Variants in FARS2 observed in about 807,000 individuals in gnomAD.
FARS2 encodes the protein phenylalanine--tRNA ligase, mitochondrial.
In FARS2, 40 loss-of-function variants were observed where a neutral mutation model predicts 46.4. That is an observed-to-expected ratio of 0.86 (90% CI 0.67 to 1.12). FARS2 has a LOEUF of 1.12. Ranked by LOEUF, FARS2 falls within the 50% of genes most tolerant of loss-of-function variation. The pLI, the probability that FARS2 is intolerant of heterozygous loss-of-function variation, is 0.00. For synonymous variants in FARS2, 234 were observed against 214.9 expected, an observed-to-expected ratio of 1.09 and a Z score of -0.78; for missense variants, 513 against 567.9, an observed-to-expected ratio of 0.90 and a Z score of 0.98.
chr6:5,684,562 A>G (rs1190158607), intron 6 of FARS2, among the ~76,000 whole-genome samples: 1 of 152,166 alleles, frequency 6.6e-6, no homozygotes, highest in Non-Finnish European at 1.5e-5. Flanking sequence ...CCCTTACCCT[A>G]GAGTAAGCCA....
At chr6:5,336,477 C>T (rs960957994) in intron 1 of FARS2, among the ~76,000 whole-genome samples, 2 of 151,210 alleles carry the variant, frequency 1.3e-5, no homozygotes, top group African/African-American at 4.9e-5. Context: ...TTTCAAAAGT[C>T]CAGATTTTTT....
chr6:5,399,952 G>C (rs1761156265), intron 2 of FARS2, among the ~76,000 whole-genome samples: 1 of 152,194 alleles, frequency 6.6e-6, no homozygotes, highest in Non-Finnish European at 1.5e-5. Flanking sequence ...GTGTATTAAT[G>C]TTGGAAGTAT....
chr6:5,447,011 C>T (rs1025556685), intron 4 of FARS2, among the ~76,000 whole-genome samples: 10 of 152,122 alleles, frequency 6.6e-5, no homozygotes, highest in East Asian at 1.9e-4. Flanking sequence ...GGGTCAGTTC[C>T]GGAAGGGCTA....
chr6:5,644,529 C>A (rs1050601279), intron 6 of FARS2, among the ~76,000 whole-genome samples: 1 of 152,092 alleles, frequency 6.6e-6, no homozygotes, highest in African/African-American at 2.4e-5. Flanking sequence ...TTCCTTTTAA[C>A]CCTTGTTTTC....
intron 6 of FARS2, among the ~76,000 whole-genome samples, chr6:5,714,192 G>A (rs1293626979): frequency 1.3e-5 from 2 of 152,170 alleles, no homozygotes; most frequent in Non-Finnish European, 2.9e-5. Flanking sequence ...AGGAGCCAAA[G>A]CACTTTGCTA....
intron 3 of FARS2, among the ~76,000 whole-genome samples, chr6:5,413,715 A>C (rs767787102): frequency 3.9e-5 from 6 of 152,190 alleles, no homozygotes; most frequent in Non-Finnish European, 8.8e-5. Flanking sequence ...TATGTGCCCA[A>C]ATCTCTTTAT....
chr6:5,544,351 T>C (rs1164636627), intron 4 of FARS2, among the ~76,000 whole-genome samples: 1 of 152,132 alleles, frequency 6.6e-6, no homozygotes, highest in African/African-American at 2.4e-5. Context: ...GCATGCGGGG[T>C]GGGAGTCTCC....
chr6:5,628,834 G>C (rs954096483), intron 6 of FARS2, among the ~76,000 whole-genome samples: 1 of 152,164 alleles, frequency 6.6e-6, no homozygotes, highest in African/African-American at 2.4e-5. Flanking sequence ...TAACTCTCCT[G>C]TTGTTTAAGC....
chr6:5,704,281 G>A (rs1027152914), intron 6 of FARS2, among the ~76,000 whole-genome samples: 4 of 152,162 alleles, frequency 2.6e-5, no homozygotes, highest in Non-Finnish European at 4.4e-5. Flanking sequence ...TGTCACAGGG[G>A]CAAGGGAGCT....
At chr6:5,739,904 G>A (rs1191028674) in intron 6 of FARS2, among the ~76,000 whole-genome samples, 2 of 152,178 alleles carry the variant, frequency 1.3e-5, no homozygotes, top group Admixed American at 6.5e-5. Context: ...CACACTGCTT[G>A]CATCATTTGA....
Position 5,321,362 on chromosome 6 carries a change from T to C in FARS2, c.-21-47188T>C, listed in dbSNP as rs149990520. Among the ~76,000 whole-genome samples the C allele has an allele frequency of 2.2e-3, 330 of 152,302 alleles. 1 individual carries two copies. Among genetic ancestry groups the C allele is most frequent in the African/African-American group, 7.6e-3 (317 of 41,562 alleles). On this transcript the variant is annotated intron_variant, in intron 1 of 6. Coordinates refer to ENST00000274680, the MANE Select transcript of FARS2 (RefSeq NM_006567.5). ...TCTTGCACTGTTTGTAGACGTAGCC[T>C]TTAAGGTAGATCTAGAAGGATGGGT...
intron 6 of FARS2, among the ~76,000 whole-genome samples, chr6:5,671,785 A>T (rs948201591): frequency 6.6e-6 from 1 of 152,186 alleles, no homozygotes; most frequent in Non-Finnish European, 1.5e-5. Flanking sequence ...TCTACCAAAG[A>T]TGTTACAGGG....
At chr6:5,441,824 T>C (rs1167910113) in intron 4 of FARS2, among the ~76,000 whole-genome samples, 3 of 152,236 alleles carry the variant, frequency 2.0e-5, no homozygotes, top group African/African-American at 4.8e-5. Flanking sequence ...ATCAAATTGT[T>C]TCCCAAAGTG....
intron 2 of FARS2, among the ~76,000 whole-genome samples, chr6:5,393,792 C>T (rs1478998410): frequency 3.3e-5 from 5 of 152,228 alleles, no homozygotes; most frequent in Non-Finnish European, 5.9e-5. Flanking sequence ...GGTATTAGAG[C>T]TGTCCTCCTT....
chr6:5,449,899 C>T (rs961638920), intron 4 of FARS2, among the ~76,000 whole-genome samples: 1 of 152,168 alleles, frequency 6.6e-6, no homozygotes, highest in Non-Finnish European at 1.5e-5. Flanking sequence ...AAAATATGGT[C>T]ATCCCTTGGT....
intron 2 of FARS2, among the ~76,000 whole-genome samples, chr6:5,399,429 G>A (rs914262379): frequency 3.3e-5 from 5 of 151,950 alleles, no homozygotes; most frequent in African/African-American, 1.2e-4. Context: ...TCCTGCCTTG[G>A]CCTCCCAAAG....
At chr6:5,591,445 CACAGAA>C (rs1441203217) in intron 5 of FARS2, among the ~76,000 whole-genome samples, 1 of 152,218 alleles carries the variant, frequency 6.6e-6, no homozygotes, top group African/African-American at 2.4e-5. Flanking sequence ...TGGGGAAGAT[CACAGAA>C]ACACAAGACG....
intron 5 of FARS2, among the ~76,000 whole-genome samples, chr6:5,561,604 C>T (rs1771988651): frequency 6.6e-6 from 1 of 151,970 alleles, no homozygotes; most frequent in African/African-American, 2.4e-5. Flanking sequence ...ATTTGACATT[C>T]CCTAATTTTA....
chr6:5,338,071 G>A (rs952824950), intron 1 of FARS2, among the ~76,000 whole-genome samples: 1 of 151,762 alleles, frequency 6.6e-6, no homozygotes, highest in African/African-American at 2.4e-5. Context: ...TTTCTGGATG[G>A]AAACTTGGTT....
Sources: gnomAD v4.1 joint callset for allele counts (sites outside exome capture counted in the v4.1 genomes callset) on GRCh38, gnomAD v4.1.1 for gene constraint, MANE v1.5 for transcripts, NCBI Gene and HGNC (gene_info 2026-07-23, HGNC 2026-07-21) for gene names.